Variants in INCENP observed in about 807,000 individuals in gnomAD.
The protein encoded by INCENP is inner centromere protein.
In INCENP, 43 loss-of-function variants were observed where a neutral mutation model predicts 107.3. That is an observed-to-expected ratio of 0.40 (90% CI 0.31 to 0.52). The LOEUF is 0.52. INCENP is among the 20% of genes least tolerant of loss of function. The pLI is 0.53. For synonymous variants in INCENP, 488 were observed against 494.4 expected (o/e 0.99, Z 0.17); for missense variants, 1,089 against 1,250.9 (o/e 0.87, Z 1.95).
At position 62,130,356 on chromosome 11, in the gene INCENP, T is replaced by C; in HGVS notation, c.829T>C (p.Trp277Arg). 6.2e-7 allele frequency: 1 copy of C among 1,612,344 alleles called. No individual in the cohort carries two copies. ...RDSPAFPDSP[W>R]RERVLAPILP... ...CTCGCCAGCCTTTCCAGATTCTCCA[T>C]GGCGGGAGCGGGTGCTGGCTCCCAT... Residue 277 changes from tryptophan to arginine, a missense_variant, in exon 4 of 19, where the codon TGG (tryptophan) becomes CGG (arginine). Coordinates refer to ENST00000394818, the MANE Select transcript of INCENP (RefSeq NM_001040694.2).
chr11:62,138,495 A>G (rs1403892581), intron 5 of INCENP, among the ~76,000 whole-genome samples: 1 of 152,150 alleles, frequency 6.6e-6, no homozygotes, highest in African/African-American at 2.4e-5. Flanking sequence ...CAGGGAGATG[A>G]AGCCACATTC....
At position 62,135,970 on chromosome 11, in the gene INCENP, C is replaced by T. The variant is rs543602823; in HGVS notation, c.1064-1862C>T. On this transcript the variant is annotated intron_variant, in intron 4 of 18. Coordinates refer to ENST00000394818, the MANE Select transcript of INCENP (RefSeq NM_001040694.2). ...GACTACAGGCGCCCACCACTACGCC[C>T]GGCTAATTTTTTGTATTTCTACTAG... is the stretch of plus-strand genomic sequence containing the variant. 3.1e-3 allele frequency among the ~76,000 whole-genome samples: 475 copies of T among 152,172 alleles called. 2 individuals carry two copies. Among genetic ancestry groups the T allele is most frequent in the Non-Finnish European group, 6.0e-3 (406 of 67,994 alleles).
chr11:62,135,387 C>T (rs892104372), intron 4 of INCENP, among the ~76,000 whole-genome samples: 1 of 152,120 alleles, frequency 6.6e-6, no homozygotes, highest in Admixed American at 6.5e-5. Flanking sequence ...TTGCCTCAGC[C>T]TCCCGAGTAG....
Position 62,145,659 on chromosome 11 carries a change from G to A in INCENP, c.1867G>A (p.Ala623Thr). The change falls in exon 14 of 19, where the codon GCC becomes ACC. Residue 623 changes from alanine to threonine, a missense_variant. Physicochemically the swap from Ala to Thr is moderately conservative, Grantham distance 58. Coordinates refer to ENST00000394818, the MANE Select transcript of INCENP (RefSeq NM_001040694.2). ...GGAGGAGCGGCTGGCAGAGGAGAAGGCCAAGAAAAAGGCGGCGGCCAAGAA... is the reference window on the plus strand; with the variant it reads ...GGAGGAGCGGCTGGCAGAGGAGAAGACCAAGAAAAAGGCGGCGGCCAAGAA... ...AKEERLAEEK[A>T]KKKAAAKKME... 2.5e-6 allele frequency: 4 copies of A among 1,586,398 alleles called. No homozygotes were observed. The highest frequency in any genetic ancestry group is 2.3e-5 in the East Asian group (1 of 43,550).
At chr11:62,144,837 A>C (rs978625934) in intron 11 of INCENP, 145 bp from the exon 12 acceptor site, 6 of 807,546 alleles carry the variant, frequency 7.4e-6, no homozygotes, top group East Asian at 2.4e-5. Flanking sequence ...TGTTGGGGCC[A>C]CGTTGGGGAT....
Position 62,151,799 on chromosome 11 carries a change from C to T in INCENP, c.2580C>T (p.Tyr860=), listed in dbSNP as rs776172173. 2.5e-6 allele frequency: 4 copies of T among 1,614,162 alleles called. No homozygotes were observed. In the Admixed American group the frequency reaches 6.7e-5, roughly 27 times the overall value. Residue 860 remains tyrosine (Y), a synonymous_variant, in exon 19 of 19, where the codon TAC becomes TAT. Transcript: ENST00000394818. ...PLSQAIIHQY[Y]HPPNLLELFG... is the part of the protein sequence containing the mutation. Reference sequence around the variant, plus strand: ...GCCAGGCTATCATTCACCAGTACTACCACCCACCGAACCTTCTGGAGCTCT... The same window carrying T: ...GCCAGGCTATCATTCACCAGTACTATCACCCACCGAACCTTCTGGAGCTCT...
In INCENP at chr11:62,130,081, A is replaced by G; in HGVS notation, c.554A>G (p.Gln185Arg). Residue 185 changes from glutamine (Q) to arginine (R), a missense_variant, in exon 4 of 19, where the codon CAG (glutamine) becomes CGG (arginine). Coordinates refer to ENST00000394818, the MANE Select transcript of INCENP (RefSeq NM_001040694.2). ...ERQNAEQHVT[Q>R]LMSTEPLPRT... is the part of the protein sequence containing the mutation. ...CAGAATGCTGAGCAGCATGTCACCC[A>G]GCTCATGTCCACCGAGCCTCTGCCC... 1 of 1,613,580 alleles carries G rather than the reference A, an allele frequency of 6.2e-7. No homozygotes were observed.
chr11:62,128,340 C>G (rs766070124), intron 2 of INCENP, 39 bp downstream of exon 2: 1 of 1,612,164 alleles, frequency 6.2e-7, no homozygotes, highest in Non-Finnish European at 8.5e-7. Flanking sequence ...AACACCAGGG[C>G]CTGTCTGGGC....
At position 62,150,186 on chromosome 11, in the gene INCENP, C is replaced by T; in HGVS notation, c.2521C>T (p.Pro841Ser). The change falls in exon 18 of 19, where the codon CCC (proline) becomes TCC (serine). Residue 841 changes from proline to serine, a missense_variant. Physicochemically the swap from Pro to Ser is moderately conservative, Grantham distance 74 (BLOSUM62 -1). Coordinates refer to ENST00000394818, the MANE Select transcript of INCENP (RefSeq NM_001040694.2). ...STDDEAHPRK[P>S]IPTWARGTPL... is the part of the protein sequence containing the mutation. ...CGATGATGAGGCCCATCCCCGGAAG[C>T]CCATCCCCACCTGGGCCCGAGGTAA... The T allele has an allele frequency of 6.2e-7, 1 of 1,614,042 alleles. No individual in the cohort carries two copies. The highest frequency in any genetic ancestry group is 8.5e-7 in the Non-Finnish European group (1 of 1,180,002).
intron 4 of INCENP, among the ~76,000 whole-genome samples, chr11:62,136,621 C>T (rs894623427): frequency 6.6e-6 from 1 of 152,132 alleles, no homozygotes; most frequent in Admixed American, 6.5e-5. Flanking sequence ...GTGGAGGTTG[C>T]AGTGAGCTGA....
intron 11 of INCENP, among the ~76,000 whole-genome samples, chr11:62,143,640 G>A (rs1009079117): frequency 2.0e-4 from 31 of 152,176 alleles, no homozygotes; most frequent in African/African-American, 5.8e-4. Flanking sequence ...CCTTCTCTCC[G>A]TCTTTGGGAG....
chr11:62,130,117 C>A lies in INCENP; in HGVS notation c.590C>A (p.Ser197Tyr), dbSNP rs940260171. The A allele has an allele frequency of 1.5e-5, 24 of 1,613,672 alleles. No homozygotes were observed. The highest frequency in any genetic ancestry group is 1.9e-5 in the Non-Finnish European group (23 of 1,180,002). The change falls in exon 4 of 19, where the codon TCC becomes TAC. Residue 197 changes from serine to tyrosine, a missense_variant. Ser to Tyr is a moderately radical substitution (Grantham distance 144, BLOSUM62 -2). Coordinates refer to ENST00000394818, the MANE Select transcript of INCENP (RefSeq NM_001040694.2). ...MSTEPLPRTL[S>Y]PTPASATAPT... ...ACCGAGCCTCTGCCCCGCACTCTGT[C>A]CCCGACTCCAGCTTCAGCCACAGCT... is the stretch of plus-strand genomic sequence containing the variant.
chr11:62,142,134 C>T (rs898263409), intron 11 of INCENP, among the ~76,000 whole-genome samples: 13 of 152,224 alleles, frequency 8.5e-5, no homozygotes, highest in African/African-American at 3.1e-4. Context: ...GCTTAGCCTG[C>T]AGCCCCAGCT....
chr11:62,130,696 G>A, intron 4 of INCENP, 106 bp downstream of exon 4: 2 of 998,210 alleles, frequency 2.0e-6, no homozygotes, highest in East Asian at 2.6e-5. Flanking sequence ...GCTTTCTGCA[G>A]TGAGGTAGAT....
intron 11 of INCENP, among the ~76,000 whole-genome samples, chr11:62,143,755 C>G (rs1944175295): frequency 6.6e-6 from 1 of 152,212 alleles, no homozygotes; most frequent in Non-Finnish European, 1.5e-5. Flanking sequence ...GAGGGGGAAG[C>G]TATTGGACAC....
Position 62,145,380 on chromosome 11 carries a change from G to A in INCENP, c.1836+91G>A, listed in dbSNP as rs964753724. The A allele has an allele frequency of 2.0e-6, 3 of 1,537,198 alleles. No homozygotes were observed. In the African/African-American group the frequency reaches 4.1e-5, roughly 21 times the overall value. ...CTCAGGAAATTGCAGATTTGTCACTGTACCCCTGTACCCATCTCCTGTCTG... is the reference window on the plus strand; with the variant it reads ...CTCAGGAAATTGCAGATTTGTCACTATACCCCTGTACCCATCTCCTGTCTG... On this transcript the variant is annotated intron_variant, in intron 13 of 18. Coordinates refer to ENST00000394818, the MANE Select transcript of INCENP (RefSeq NM_001040694.2).
chr11:62,138,869 G>C lies in INCENP; in HGVS notation c.1174-19G>C. ...TGGGTTCCAGGTCAAGACCCCTAAA[G>C]CCTTGGTTCTTTCCACAGGTCCCTG... On this transcript the variant is annotated intron_variant, in intron 6 of 18. Transcript: ENST00000394818. 1.2e-6 allele frequency: 2 copies of C among 1,607,972 alleles called. No individual in the cohort carries two copies. The highest frequency in any genetic ancestry group is 1.7e-6 in the Non-Finnish European group (2 of 1,174,370).
intron 17 of INCENP, among the ~76,000 whole-genome samples, chr11:62,149,199 T>C (rs1189253545): frequency 2.6e-5 from 4 of 152,028 alleles, no homozygotes; most frequent in African/African-American, 9.7e-5. Flanking sequence ...CCCATACACA[T>C]ACATATTTAA....
chr11:62,126,160 C>T (rs919054661), intron 1 of INCENP, among the ~76,000 whole-genome samples: 2 of 151,798 alleles, frequency 1.3e-5, no homozygotes, highest in South Asian at 4.2e-4. Context: ...CCCTTCCTTA[C>T]AAGACCTTCC....
Sources: allele counts gnomAD v4.1 joint callset (sites outside exome capture counted in the v4.1 genomes callset), GRCh38; gene constraint gnomAD v4.1.1; transcripts MANE v1.5; gene names NCBI Gene and HGNC (gene_info 2026-07-23, HGNC 2026-07-21).